SSBP3: variants seen among roughly 807,000 people sequenced by gnomAD.
SSBP3 encodes single stranded DNA binding protein 3, also known as single-stranded DNA-binding protein 3.
Under a neutral mutation model 69.6 loss-of-function variants are expected in SSBP3, and 5 were observed. The ratio of observed to expected loss-of-function variants is 0.07; its 90% CI spans 0.04 to 0.15. The LOEUF (loss-of-function observed/expected upper bound fraction) is 0.15, where lower values mean the gene tolerates loss of function less well. SSBP3 is among the 10% of genes least tolerant of loss of function. The pLI is 1.00. For missense variants in SSBP3, 312 were observed against 534.0 expected, an observed-to-expected ratio of 0.58 and a Z score of 4.10; for synonymous variants, 196 against 193.4, an observed-to-expected ratio of 1.01 and a Z score of -0.11.
chr1:54,326,359 T>C, intron 4 of SSBP3: 1 of 152,702 alleles, frequency 6.5e-6, no homozygotes, highest in Non-Finnish European at 1.5e-5. Flanking sequence ...CGGAATACCC[T>C]CCCGCATCCC....
At chr1:54,345,888 T>C (rs1469921643) in intron 4 of SSBP3, among the ~76,000 whole-genome samples, 1 of 151,838 alleles carries the variant, frequency 6.6e-6, no homozygotes, top group African/African-American at 2.4e-5. Context: ...ACGCCTGTAA[T>C]TCCAGCACTT....
chr1:54,297,850 G>A (rs909176552), intron 4 of SSBP3, among the ~76,000 whole-genome samples: 1 of 152,194 alleles, frequency 6.6e-6, no homozygotes, highest in Non-Finnish European at 1.5e-5. Flanking sequence ...TCAAAATCAT[G>A]TAGTGAGCTT....
chr1:54,371,320 G>T (rs1177414774), intron 4 of SSBP3, among the ~76,000 whole-genome samples: 1 of 152,230 alleles, frequency 6.6e-6, no homozygotes, highest in African/African-American at 2.4e-5. Context: ...ACACTACCAT[G>T]AGCTCAAGCG....
At chr1:54,345,958 A>G (rs1288604376) in intron 4 of SSBP3, among the ~76,000 whole-genome samples, 1 of 150,944 alleles carries the variant, frequency 6.6e-6, no homozygotes, top group Non-Finnish European at 1.5e-5. Flanking sequence ...CCTGGCCAAC[A>G]TGGTGAAACC....
exon 8 of SSBP3, chr1:54,251,827 G>A: frequency 6.2e-7 from 1 of 1,611,856 alleles, no homozygotes; most frequent in South Asian, 1.1e-5. Context: ...GAATTGGGCA[G>A]CAATGGCTGT....
At chr1:54,244,502 C>T (rs1452648122) in intron 9 of SSBP3, among the ~76,000 whole-genome samples, 2 of 152,184 alleles carry the variant, frequency 1.3e-5, no homozygotes, top group East Asian at 3.8e-4. Context: ...CCACTTCAGC[C>T]TCCGAAAGTA....
intron 4 of SSBP3, among the ~76,000 whole-genome samples, chr1:54,333,525 G>A (rs1278470268): frequency 1.3e-5 from 2 of 152,096 alleles, no homozygotes; most frequent in African/African-American, 2.4e-5. Flanking sequence ...GTAAATCCCA[G>A]CACTTTGGGA....
chr1:54,256,660 T>G (rs1244620422), intron 7 of SSBP3, among the ~76,000 whole-genome samples: 1 of 152,206 alleles, frequency 6.6e-6, no homozygotes, highest in Non-Finnish European at 1.5e-5. Context: ...GCTCCTGATC[T>G]AAGCATTCCT....
Position 54,258,195 on chromosome 1 carries a change from G to A in SSBP3, c.367-46C>T. The A allele has an allele frequency of 7.0e-7, 1 of 1,425,374 alleles. No homozygotes were observed. The highest frequency in any genetic ancestry group is 2.7e-5 in the East Asian group (1 of 36,594). The allele number at this position is 1,425,374 out of a possible 1,614,324, so 88.3% of individuals were successfully genotyped here. On this transcript the variant is annotated intron_variant, in intron 5 of 17. Transcript: ENST00000610401. The surrounding 1 kb of genome is among the most constrained non-coding windows in gnomAD (Gnocchi z 4.5). ...GGCAGGTTATAGATCACAGCACATG[G>A]AGAAGCGCAGAAGCAGCTTAAAAGA...
chr1:54,405,926 G>C, intron 1 of SSBP3, 27 bp downstream of exon 1: 1 of 1,231,464 alleles, frequency 8.1e-7, no homozygotes, highest in Non-Finnish European at 1.0e-6. Flanking sequence ...GCGGCGGCGC[G>C]GCCGCCACTT....
At chr1:54,244,580 G>A (rs1187949734) in intron 9 of SSBP3, among the ~76,000 whole-genome samples, 2 of 152,192 alleles carry the variant, frequency 1.3e-5, no homozygotes, top group Non-Finnish European at 2.9e-5. Flanking sequence ...CAGAACTCAC[G>A]AAGTCCCAGC....
intron 4 of SSBP3, among the ~76,000 whole-genome samples, chr1:54,384,248 C>G (rs1481137478): frequency 6.6e-6 from 1 of 152,188 alleles, no homozygotes; most frequent in African/African-American, 2.4e-5. Context: ...CACTTCACAT[C>G]TGAAGCTCCA....
chr1:54,379,020 CT>C (rs1647413465), intron 4 of SSBP3, among the ~76,000 whole-genome samples: 1 of 152,242 alleles, frequency 6.6e-6, no homozygotes, highest in Admixed American at 6.5e-5. Context: ...CCGCCACCGC[CT>C]GGCCAGGTCC....
At chr1:54,401,802 G>T in intron 4 of SSBP3, 59 bp downstream of exon 4, 1 of 1,444,544 alleles carries the variant, frequency 6.9e-7, no homozygotes, top group South Asian at 1.2e-5. Flanking sequence ...TTTCGTACTA[G>T]AGAAGTTAGA....
At chr1:54,312,034 A>G (rs1646012443) in intron 4 of SSBP3, among the ~76,000 whole-genome samples, 1 of 152,214 alleles carries the variant, frequency 6.6e-6, no homozygotes. Flanking sequence ...ACATAGCACC[A>G]GCTCTGAGCT....
chr1:54,374,007 G>C (rs936120823), intron 4 of SSBP3, among the ~76,000 whole-genome samples: 98 of 152,298 alleles, frequency 6.4e-4, no homozygotes, highest in African/African-American at 2.3e-3. Context: ...AGGAAAGGCA[G>C]GTTATTACAG....
intron 14 of SSBP3, among the ~76,000 whole-genome samples, chr1:54,232,843 G>A (rs1360450473): frequency 1.3e-5 from 2 of 152,206 alleles, no homozygotes; most frequent in Non-Finnish European, 2.9e-5. Context: ...TTGGCCTCCC[G>A]AGGTGCCGGG....
intron 14 of SSBP3, among the ~76,000 whole-genome samples, chr1:54,234,946 A>T (rs1644460610): frequency 6.6e-6 from 1 of 152,152 alleles, no homozygotes; most frequent in Admixed American, 6.5e-5. Context: ...TTTCTTTTAA[A>T]TGCACTGGTA....
intron 14 of SSBP3, among the ~76,000 whole-genome samples, chr1:54,231,587 C>G (rs1403801497): frequency 1.3e-5 from 2 of 152,232 alleles, no homozygotes; most frequent in Non-Finnish European, 2.9e-5. Flanking sequence ...TCTAAGAAGG[C>G]TTTGCTTAAC....
Sources: gnomAD v4.1 joint callset for allele counts (sites outside exome capture counted in the v4.1 genomes callset) on GRCh38, gnomAD v4.1.1 for gene constraint, Gnocchi (gnomAD v3.1) non-coding constraint, MANE v1.5 for transcripts, NCBI Gene and HGNC (gene_info 2026-07-23, HGNC 2026-07-21) for gene names.